MACROD2: variants seen among roughly 807,000 people sequenced by gnomAD.
MACROD2 encodes the protein ADP-ribose glycohydrolase MACROD2.
MACROD2 carries 36 observed loss-of-function variants against 70.4 expected under a neutral mutation model. The observed-to-expected ratio is 0.51, with a 90% CI of 0.39 to 0.68. The LOEUF is 0.68. Among genes scored for constraint, MACROD2 ranks in the 30% least tolerant of loss-of-function variants. MACROD2 has a pLI of 0.00. For synonymous variants in MACROD2, 172 were observed against 178.8 expected, an observed-to-expected ratio of 0.96 and a Z score of 0.30; for missense variants, 496 against 538.4, an observed-to-expected ratio of 0.92 and a Z score of 0.78.
chr20:14,826,325 A>G (rs1046121969), intron 5 of MACROD2, among the ~76,000 whole-genome samples: 1 of 152,092 alleles, frequency 6.6e-6, no homozygotes, highest in African/African-American at 2.4e-5. Flanking sequence ...GTATTACTAT[A>G]TCCCCAAGGT....
intron 4 of MACROD2, among the ~76,000 whole-genome samples, chr20:14,500,423 T>C (rs551073608): frequency 6.6e-6 from 1 of 152,360 alleles, no homozygotes; most frequent in South Asian, 2.1e-4. Flanking sequence ...AGCTGCTCAC[T>C]CCAGTTGGAT....
intron 8 of MACROD2, among the ~76,000 whole-genome samples, chr20:15,739,808 C>T (rs1171217735): frequency 6.6e-6 from 1 of 152,128 alleles, no homozygotes; most frequent in Non-Finnish European, 1.5e-5. Context: ...AATGCAAAAA[C>T]ATTTTGGAGG....
chr20:15,795,772 T>C (rs1294759484), intron 8 of MACROD2, among the ~76,000 whole-genome samples: 2 of 152,202 alleles, frequency 1.3e-5, no homozygotes, highest in African/African-American at 2.4e-5. Context: ...GATAAAAGGC[T>C]CACCAATGCC....
At chr20:15,802,350 G>A (rs907399145) in intron 8 of MACROD2, among the ~76,000 whole-genome samples, 7 of 152,068 alleles carry the variant, frequency 4.6e-5, no homozygotes, top group African/African-American at 1.7e-4. Flanking sequence ...CTTTTATTAT[G>A]TTGAGCTACC....
chr20:14,570,903 A>G (rs1295584928), intron 4 of MACROD2, among the ~76,000 whole-genome samples: 1 of 151,996 alleles, frequency 6.6e-6, no homozygotes, highest in Non-Finnish European at 1.5e-5. Flanking sequence ...GCCAAGAATG[A>G]TGTAGCCTGG....
intron 4 of MACROD2, among the ~76,000 whole-genome samples, chr20:14,627,582 A>T (rs1357902136): frequency 6.6e-6 from 1 of 152,206 alleles, no homozygotes; most frequent in Non-Finnish European, 1.5e-5. Flanking sequence ...TCTGCCTCAG[A>T]GCCTGTTTGG....
chr20:15,885,240 G>A (rs955670468), intron 9 of MACROD2, among the ~76,000 whole-genome samples: 6 of 152,122 alleles, frequency 3.9e-5, no homozygotes, highest in Non-Finnish European at 7.4e-5. Context: ...TGGGAGTGGT[G>A]CAATTGGTGG....
chr20:14,294,629 G>A (rs893537677), intron 3 of MACROD2, among the ~76,000 whole-genome samples: 5 of 151,644 alleles, frequency 3.3e-5, no homozygotes, highest in Non-Finnish European at 5.9e-5. Flanking sequence ...AATTAGCTAC[G>A]GCATAACGTG....
At chr20:14,681,887 A>G (rs756369861) in intron 4 of MACROD2, among the ~76,000 whole-genome samples, 1 of 152,186 alleles carries the variant, frequency 6.6e-6, no homozygotes, top group Non-Finnish European at 1.5e-5. Context: ...GTTTTGAATC[A>G]CGTCGTGAGT....
intron 5 of MACROD2, among the ~76,000 whole-genome samples, chr20:14,888,825 T>C (rs952660803): frequency 6.6e-6 from 1 of 152,176 alleles, no homozygotes; most frequent in African/African-American, 2.4e-5. Flanking sequence ...CTTTCCAAAT[T>C]AGATATCTCC....
intron 5 of MACROD2, among the ~76,000 whole-genome samples, chr20:15,002,759 G>A (rs1260745509): frequency 6.6e-6 from 1 of 152,170 alleles, no homozygotes; most frequent in Non-Finnish European, 1.5e-5. Context: ...TGGGAGTAGT[G>A]TTAAACCGGA....
At chr20:15,260,874 T>C (rs1305684580) in intron 6 of MACROD2, among the ~76,000 whole-genome samples, 1 of 152,062 alleles carries the variant, frequency 6.6e-6, no homozygotes, top group Non-Finnish European at 1.5e-5. Context: ...TTAATTTCCA[T>C]TTTGCAAAAG....
intron 3 of MACROD2, among the ~76,000 whole-genome samples, chr20:14,178,171 TG>T (rs1034229474): frequency 1.3e-5 from 2 of 151,966 alleles, no homozygotes; most frequent in African/African-American, 4.8e-5. Context: ...CTCTTAAAAA[TG>T]AAGAGGCAAA....
In MACROD2 at chr20:15,862,746, T is replaced by C; in HGVS notation, c.647T>C (p.Val216Ala). The change falls in exon 9 of 18, where the codon GTG (valine) becomes GCG (alanine). Residue 216 changes from valine to alanine, a missense_variant and splice_region_variant. Val to Ala is a moderately conservative substitution (Grantham distance 64). Transcript: ENST00000684519. Reference sequence around the variant, plus strand: ...GAGTGTTTTATCTTTTGCCTCTAGGTGGATCGGATCATTTTCTGTGTCTTC... The same window carrying C: ...GAGTGTTTTATCTTTTGCCTCTAGGCGGATCGGATCATTTTCTGTGTCTTC... The part of the protein sequence containing the change: ...KEWLAKNHHE[V>A]DRIIFCVFLE... 6.2e-7 allele frequency: 1 copy of C among 1,611,718 alleles called. No individual in the cohort carries two copies. The highest frequency in any genetic ancestry group is 8.5e-7 in the Non-Finnish European group (1 of 1,178,958).
intron 5 of MACROD2, among the ~76,000 whole-genome samples, chr20:15,120,503 A>G (rs979240888): frequency 2.0e-5 from 3 of 152,216 alleles, no homozygotes. Context: ...TGCAGCCATC[A>G]TGAATTATCT....
chr20:14,942,230 C>T (rs2033673215), intron 5 of MACROD2, among the ~76,000 whole-genome samples: 1 of 152,008 alleles, frequency 6.6e-6, no homozygotes, highest in Non-Finnish European at 1.5e-5. Context: ...AAATATGTTC[C>T]TCATATATAT....
intron 3 of MACROD2, among the ~76,000 whole-genome samples, chr20:14,209,361 C>T (rs1164812248): frequency 6.6e-6 from 1 of 152,034 alleles, no homozygotes; most frequent in African/African-American, 2.4e-5. Context: ...GTTTCAAGGC[C>T]TCTATCTCTT....
At chr20:15,098,457 G>GCTAA (rs1276283193) in intron 5 of MACROD2, among the ~76,000 whole-genome samples, 41 of 152,142 alleles carry the variant, frequency 2.7e-4, no homozygotes, top group Admixed American at 2.7e-3. Flanking sequence ...CCTCTGGGAT[G>GCTAA]CTAAGTTCTC....
At chr20:15,111,200 T>A (rs7263584) in intron 5 of MACROD2, among the ~76,000 whole-genome samples, 5,093 of 146,406 alleles carry the variant, frequency 0.035, 138 homozygotes, top group South Asian at 0.11. Context: ...TGCGACGGAG[T>A]CTCACTCTGT....
Sources: allele counts gnomAD v4.1 joint callset (sites outside exome capture counted in the v4.1 genomes callset), GRCh38; gene constraint gnomAD v4.1.1; transcripts MANE v1.5; gene names NCBI Gene and HGNC (gene_info 2026-07-23, HGNC 2026-07-21).